The following PAX2 variants were observed in gnomAD, a reference collection of about 807,000 sequenced individuals.
PAX2 encodes the protein paired box protein Pax-2.
A neutral mutation model predicts 41.7 loss-of-function variants in PAX2; 9 were observed. The observed-to-expected ratio is 0.22, with a 90% CI of 0.13 to 0.38. The LOEUF (loss-of-function observed/expected upper bound fraction) is 0.38, where lower values mean the gene tolerates loss of function less well. Ranked by LOEUF, PAX2 falls within the 10% of genes least tolerant of loss-of-function variation. The probability of loss-of-function intolerance (pLI) is 1.00; values close to 1 mark genes in which losing one functional copy is unlikely to be tolerated. For missense variants in PAX2, 418 were observed against 531.6 expected (o/e 0.79, Z 2.10); for synonymous variants, 221 against 212.7 (o/e 1.04, Z -0.34).
Position 100,827,592 on chromosome 10 carries a change from T to A in PAX2, c.1158T>A (p.Ala386=). The change falls in exon 10 of 10, where the codon GCT becomes GCA. Residue 386 remains alanine, a synonymous_variant. Coordinates refer to ENST00000355243, the MANE Select transcript of PAX2 (RefSeq NM_000278.5). The surrounding 1 kb of genome is among the most constrained non-coding windows in gnomAD (Gnocchi z 8.5). ...CCCCCCGGGGCTCCGCCCCTGCCGC[T>A]GCTGCCGCTGCCTATGACCGCCACT... is the stretch of plus-strand genomic sequence containing the variant. ...SAAPRGSAPA[A]AAAAYDRH 1 of 1,613,390 alleles carries A rather than the reference T, an allele frequency of 6.2e-7. No individual in the cohort carries two copies. The highest frequency in any genetic ancestry group is 1.7e-5 in the Admixed American group (1 of 60,026).
At chr10:100,796,500 G>T (rs4548562) in intron 5 of PAX2, among the ~76,000 whole-genome samples, 138,796 of 152,254 alleles carry the variant, frequency 0.91, 63,306 homozygotes, top group East Asian at 1. Flanking sequence ...TGATTTTCCT[G>T]AAATGTCCTT....
Position 100,827,218 on chromosome 10 carries a change from C to A in PAX2, c.1108+123C>A. The A allele has an allele frequency of 1.2e-6, 1 of 805,382 alleles. No individual in the cohort carries two copies. The highest frequency in any genetic ancestry group is 2.1e-6 in the Non-Finnish European group (1 of 474,658). 49.9% of individuals were successfully genotyped at this position (805,382 alleles called of 1,614,324 possible). A position where few individuals can be genotyped will look rare whatever the true frequency, so the allele number is the denominator to read the frequency against. On this transcript the variant is annotated intron_variant, in intron 9 of 9. Coordinates refer to ENST00000355243, the MANE Select transcript of PAX2 (RefSeq NM_000278.5). This position sits in a 1 kb window ranked among gnomAD's most constrained non-coding sequence, Gnocchi z 8.5. ...GGCCAGGGGGACAGGCTTGTTAGTG[C>A]AGCACTGAGGCCCGGGGACCCCTCG...
intron 3 of PAX2, among the ~76,000 whole-genome samples, chr10:100,761,175 G>A (rs984488707): frequency 6.6e-6 from 1 of 151,926 alleles, no homozygotes; most frequent in African/African-American, 2.4e-5. Context: ...GGACTGTACG[G>A]GGTGGGGTGT....
At chr10:100,800,687 C>T (rs1847530775) in intron 5 of PAX2, among the ~76,000 whole-genome samples, 1 of 152,176 alleles carries the variant, frequency 6.6e-6, no homozygotes, top group African/African-American at 2.4e-5. Context: ...GTCTCCCTCC[C>T]CAAGCTGCTG....
upstream of PAX2, among the ~76,000 whole-genome samples, chr10:100,744,755 C>T (rs1478595910): frequency 6.6e-6 from 1 of 152,236 alleles, no homozygotes; most frequent in Non-Finnish European, 1.5e-5. Flanking sequence ...CCCGGCTCTC[C>T]CGCCATCCGC....
At chr10:100,811,786 C>G (rs1398966341) in intron 7 of PAX2, among the ~76,000 whole-genome samples, 2 of 152,178 alleles carry the variant, frequency 1.3e-5, no homozygotes, top group African/African-American at 4.8e-5. Flanking sequence ...GTGCCCATAG[C>G]CTGGCTTAGG....
chr10:100,781,474 AG>A, intron 5 of PAX2, 109 bp downstream of exon 5: 1 of 1,195,534 alleles, frequency 8.4e-7, no homozygotes, highest in Non-Finnish European at 1.2e-6. Flanking sequence ...GATCAATTTT[AG>A]TAGCAAAGCC....
intron 5 of PAX2, 142 bp from the exon 6 acceptor site, chr10:100,806,288 G>A (rs1256761224): frequency 1.2e-6 from 1 of 833,706 alleles, no homozygotes; most frequent in Admixed American, 2.0e-5. Context: ...CAGCCCCACT[G>A]GCCCAGGGGC....
chr10:100,743,737 G>A (rs1845045584), upstream of PAX2, among the ~76,000 whole-genome samples: 1 of 152,216 alleles, frequency 6.6e-6, no homozygotes. Context: ...TGTTCGTGGG[G>A]TTGTGAGGCC....
intron 3 of PAX2, among the ~76,000 whole-genome samples, chr10:100,755,784 C>T (rs1323843698): frequency 6.6e-6 from 1 of 152,072 alleles, no homozygotes; most frequent in Non-Finnish European, 1.5e-5. Context: ...ATGGACAACA[C>T]AACAGTTCAA....
intron 5 of PAX2, among the ~76,000 whole-genome samples, chr10:100,803,019 C>T (rs74152682): frequency 0.035 from 5,386 of 152,082 alleles, 249 homozygotes; most frequent in African/African-American, 0.1. Context: ...CCCATCTTCC[C>T]GGGAGAACCC....
At chr10:100,781,023 C>T (rs1190401803) in intron 4 of PAX2, among the ~76,000 whole-genome samples, 8 of 152,098 alleles carry the variant, frequency 5.3e-5, no homozygotes, top group African/African-American at 1.9e-4. Flanking sequence ...AACTGGGCAC[C>T]ACTTACCTCA....
At position 100,827,787 on chromosome 10, in the gene PAX2, C is replaced by T. The variant is rs1002160965; in HGVS notation, c.*168C>T. The T allele has an allele frequency of 2.0e-5, 21 of 1,024,422 alleles. No homozygotes were observed. The Admixed American group carries it at 3.3e-4, about 16-fold the overall frequency. 63.5% of individuals were successfully genotyped at this position (1,024,422 alleles called of 1,614,324 possible). On this transcript the variant is annotated 3_prime_UTR_variant, in exon 10 of 10. Coordinates refer to ENST00000355243, the MANE Select transcript of PAX2 (RefSeq NM_000278.5). The surrounding 1 kb of genome is among the most constrained non-coding windows in gnomAD (Gnocchi z 8.5). Reference sequence around the variant, plus strand: ...CCCCGCAACCCTTCACATCACCCCCCTCGAAGGTCGGACAGGACGGGTGGA... The same window carrying T: ...CCCCGCAACCCTTCACATCACCCCCTTCGAAGGTCGGACAGGACGGGTGGA...
At chr10:100,817,291 G>A (rs772190123) in intron 7 of PAX2, among the ~76,000 whole-genome samples, 27 of 152,188 alleles carry the variant, frequency 1.8e-4, no homozygotes, top group Non-Finnish European at 2.9e-4. Context: ...TTCCTCCTCC[G>A]TAAAACAAGG....
intron 5 of PAX2, among the ~76,000 whole-genome samples, chr10:100,804,231 T>A (rs1456082767): frequency 1.3e-5 from 2 of 150,758 alleles, no homozygotes; most frequent in Non-Finnish European, 2.9e-5. Context: ...AAGAGACTCC[T>A]CCAGCCAGTG....
rs1251521460 is a variant in PAX2 at position 100,824,581 on chromosome 10, C to A, written c.920-67C>A. On this transcript the variant is annotated intron_variant, in intron 7 of 9. Coordinates refer to ENST00000355243, the MANE Select transcript of PAX2 (RefSeq NM_000278.5). The surrounding 1 kb of genome is among the most constrained non-coding windows in gnomAD (Gnocchi z 6.6). ...CCAAGAGTTTCCTCTCCGTGCAGTA[C>A]CCTGGTGTGAGTAGAGGCAGGCCCC... 2.8e-6 allele frequency: 3 copies of A among 1,078,266 alleles called. No homozygotes were observed. The highest frequency in any genetic ancestry group is 3.4e-5 in the Admixed American group (2 of 59,368). 66.8% of individuals were successfully genotyped at this position (1,078,266 alleles called of 1,614,324 possible).
At chr10:100,798,794 C>G (rs541932040) in intron 5 of PAX2, among the ~76,000 whole-genome samples, 3 of 152,196 alleles carry the variant, frequency 2.0e-5, no homozygotes, top group Non-Finnish European at 4.4e-5. Flanking sequence ...CACCTGACCT[C>G]TGGGGAGCCA....
intron 5 of PAX2, among the ~76,000 whole-genome samples, chr10:100,800,095 G>A (rs969538451): frequency 2.0e-5 from 3 of 151,894 alleles, no homozygotes; most frequent in Non-Finnish European, 2.9e-5. Flanking sequence ...CAAAGTTAGT[G>A]TAATTCTTTG....
chr10:100,801,635 C>G (rs775752677), intron 5 of PAX2, among the ~76,000 whole-genome samples: 1 of 152,220 alleles, frequency 6.6e-6, no homozygotes, highest in Non-Finnish European at 1.5e-5. Flanking sequence ...CAGACATCCT[C>G]TAATCATCTG....
Sources: allele counts gnomAD v4.1 joint callset (sites outside exome capture counted in the v4.1 genomes callset), GRCh38; gene constraint gnomAD v4.1.1; non-coding constraint Gnocchi (gnomAD v3.1); transcripts MANE v1.5; gene names NCBI Gene and HGNC (gene_info 2026-07-23, HGNC 2026-07-21).